Variants in PRCP observed in about 807,000 individuals in gnomAD.
PRCP encodes lysosomal Pro-X carboxypeptidase.
A neutral mutation model predicts 54.2 loss-of-function variants in PRCP; 46 were observed. The ratio of observed to expected loss-of-function variants is 0.85; its 90% CI spans 0.67 to 1.09. The LOEUF (loss-of-function observed/expected upper bound fraction) is 1.09. Ranked by LOEUF, PRCP falls within the 50% of genes least tolerant of loss-of-function variation. PRCP has a pLI of 0.00. For missense variants in PRCP, 613 were observed against 596.8 expected (o/e 1.03, Z -0.28); for synonymous variants, 240 against 212.2 (o/e 1.13, Z -1.14).
intron 1 of PRCP, among the ~76,000 whole-genome samples, chr11:82,865,481 C>T (rs1280052684): frequency 6.6e-6 from 1 of 152,144 alleles, no homozygotes; most frequent in Non-Finnish European, 1.5e-5. Context: ...CTGATAAAAC[C>T]AAAATCACAT....
At chr11:82,841,495 C>G (rs1051521882) in intron 6 of PRCP, among the ~76,000 whole-genome samples, 1 of 152,068 alleles carries the variant, frequency 6.6e-6, no homozygotes, top group Non-Finnish European at 1.5e-5. Context: ...TTTCTCAGAA[C>G]CTTTAACATG....
At chr11:82,858,696 A>C (rs1480883876) in intron 2 of PRCP, 1 of 152,130 alleles carries the variant, frequency 6.6e-6, no homozygotes, top group Non-Finnish European at 1.5e-5. Context: ...CCTTCACATA[A>C]AATGAAAGTC....
chr11:82,871,177 CTTTTTTTTTTTT>C (rs146234682), intron 1 of PRCP, among the ~76,000 whole-genome samples: 1 of 117,410 alleles, frequency 8.5e-6, no homozygotes, highest in African/African-American at 3.1e-5. Context: ...AAATGTTTCT[CTTTTTTTTTTTT>C]TTTTTTTTTG....
intron 1 of PRCP, among the ~76,000 whole-genome samples, chr11:82,874,157 C>T (rs1346819096): frequency 6.6e-6 from 1 of 152,178 alleles, no homozygotes; most frequent in Non-Finnish European, 1.5e-5. Context: ...AACCAAGTGG[C>T]TTCCTTTGAT....
chr11:82,844,748 AAAG>A (rs200066749), intron 6 of PRCP, among the ~76,000 whole-genome samples: 9,305 of 87,840 alleles, frequency 0.11, 514 homozygotes, highest in African/African-American at 0.24. Flanking sequence ...AAAAAAAAAA[AAAG>A]AAAGAAAGAA....
intron 2 of PRCP, chr11:82,858,144 T>C (rs1455397224): frequency 6.6e-6 from 1 of 152,228 alleles, no homozygotes; most frequent in Non-Finnish European, 1.5e-5. Flanking sequence ...AAGAGGTCAA[T>C]GTAATATATC....
chr11:82,828,215 T>C (rs1428316617), intron 8 of PRCP: 2 of 152,180 alleles, frequency 1.3e-5, no homozygotes, highest in Non-Finnish European at 2.9e-5. Flanking sequence ...CAAACACAGT[T>C]CTAAAAACCC....
chr11:82,858,502 T>C (rs1859141268), intron 2 of PRCP: 1 of 152,252 alleles, frequency 6.6e-6, no homozygotes, highest in Admixed American at 6.5e-5. Flanking sequence ...TCTTCAGAAC[T>C]GTTCCTACAC....
chr11:82,835,218 T>C (rs1017527631), intron 8 of PRCP, among the ~76,000 whole-genome samples: 11 of 152,120 alleles, frequency 7.2e-5, no homozygotes, highest in Non-Finnish European at 1.5e-4. Context: ...AAATTAAAAA[T>C]TAAAAAAGAA....
chr11:82,869,550 G>T (rs968768327), intron 1 of PRCP, among the ~76,000 whole-genome samples: 5 of 152,120 alleles, frequency 3.3e-5, no homozygotes, highest in Non-Finnish European at 5.9e-5. Context: ...TAAACCAACA[G>T]TGAATGAAAA....
chr11:82,889,444 G>C (rs1859949795), intron 1 of PRCP, among the ~76,000 whole-genome samples: 1 of 151,932 alleles, frequency 6.6e-6, no homozygotes. Context: ...GGGAGGAAGA[G>C]AAAGAAAGAA....
rs566188668 is a variant in PRCP, at chr11:82,893,326, G to A, written c.168+6909C>T. ...ATACATTTTGTTAGGTTAAGTGACC[G>A]AAATTCATAAATTTTACTATAGCAG... On this transcript the variant is annotated intron_variant, in intron 1 of 8. Transcript: ENST00000313010. Among the ~76,000 whole-genome samples the A allele has an allele frequency of 9.2e-5, 14 of 152,288 alleles. No individual in the cohort carries two copies. The South Asian group carries it at 1.0e-3, about 11-fold the overall frequency.
At chr11:82,868,971 G>C (rs1416197597) in intron 1 of PRCP, among the ~76,000 whole-genome samples, 1 of 152,176 alleles carries the variant, frequency 6.6e-6, no homozygotes, top group African/African-American at 2.4e-5. Flanking sequence ...GGGAGGCAGA[G>C]GTTGCGGTAA....
At chr11:82,852,031 T>A (rs1858970816) in intron 3 of PRCP, among the ~76,000 whole-genome samples, 2 of 152,164 alleles carry the variant, frequency 1.3e-5, no homozygotes, top group African/African-American at 2.4e-5. Flanking sequence ...AAGAAGTATA[T>A]CAAAAAGAGC....
chr11:82,864,856 T>C (rs1365559010), intron 1 of PRCP, among the ~76,000 whole-genome samples: 1 of 152,194 alleles, frequency 6.6e-6, no homozygotes, highest in African/African-American at 2.4e-5. Flanking sequence ...AAATGATGTT[T>C]ATTGTATAAA....
chr11:82,900,471 G>A (rs1591081152), upstream of PRCP: 5 of 1,520,486 alleles, frequency 3.3e-6, no homozygotes, highest in East Asian at 9.7e-5. Flanking sequence ...CACAGGCTAA[G>A]CCCTGCCCAG....
At chr11:82,828,979 C>T (rs1343271757) in intron 8 of PRCP, 1 of 152,166 alleles carries the variant, frequency 6.6e-6, no homozygotes, top group Admixed American at 6.5e-5. Flanking sequence ...GTTTAACACA[C>T]AATCTGTCAA....
Position 82,900,307 on chromosome 11 carries a change from T to A in PRCP, c.96A>T (p.Leu32=), listed in dbSNP as rs769695554. Reference sequence around the variant, plus strand: ...GGGATGTGGGGTTGGTTGGCAAGTGTAGGCTGCCGAGGGCCCTTAAGGCCG... The same window carrying A: ...GGGATGTGGGGTTGGTTGGCAAGTGAAGGCTGCCGAGGGCCCTTAAGGCCG... ...LRPALRALGS[L]HLPTNPTSLP... Residue 32 remains leucine, a synonymous_variant, in exon 1 of 9, where the codon CTA becomes CTT. Coordinates refer to ENST00000313010, the MANE Select transcript of PRCP (RefSeq NM_005040.4). The A allele has an allele frequency of 6.2e-7, 1 of 1,614,212 alleles. No homozygotes were observed. The highest frequency in any genetic ancestry group is 1.1e-5 in the South Asian group (1 of 91,082).
At chr11:82,827,197 T>C (rs933066181) in intron 8 of PRCP, 2 of 152,238 alleles carry the variant, frequency 1.3e-5, no homozygotes, top group African/African-American at 4.8e-5. Context: ...GCAAATATTT[T>C]CTCCCATCCT....
Sources: gnomAD v4.1 joint callset for allele counts (sites outside exome capture counted in the v4.1 genomes callset) on GRCh38, gnomAD v4.1.1 for gene constraint, MANE v1.5 for transcripts, NCBI Gene and HGNC (gene_info 2026-07-23, HGNC 2026-07-21) for gene names.